Variants in INTS3 observed in about 807,000 individuals in gnomAD.
INTS3 encodes the protein SOSS complex subunit A.
A neutral mutation model predicts 146.3 loss-of-function variants in INTS3; 34 were observed. That is an observed-to-expected ratio of 0.23 (90% confidence interval 0.18 to 0.31). The LOEUF (loss-of-function observed/expected upper bound fraction) is 0.31. Ranked by LOEUF, INTS3 falls within the 10% of genes least tolerant of loss-of-function variation. The probability of loss-of-function intolerance (pLI) is 1.00; values close to 1 mark genes in which losing one functional copy is unlikely to be tolerated. For synonymous variants in INTS3, 475 were observed against 494.9 expected (o/e 0.96, Z 0.53); for missense variants, 757 against 1,304.2 (o/e 0.58, Z 6.46).
chr1:153,733,670 C>T lies in INTS3; in HGVS notation c.150+4886C>T, dbSNP rs369128495. On this transcript the variant is annotated intron_variant, in intron 1 of 29. Coordinates refer to ENST00000318967, the MANE Select transcript of INTS3 (RefSeq NM_023015.5). ...TCACCCAGGCTGGAGTGCAGTGGCG[C>T]GACAGCTCCCTGCAACCTTCGCCTC... Among the ~76,000 whole-genome samples, 121 of 150,972 alleles carry T rather than the reference C, an allele frequency of 8.0e-4. 1 individual carries two copies. The South Asian group carries it at 0.015, about 19-fold the overall frequency.
chr1:153,746,652 T>C (rs184894567), intron 3 of INTS3, among the ~76,000 whole-genome samples: 3,617 of 151,828 alleles, frequency 0.024, 56 homozygotes, highest in Middle Eastern at 0.094. Flanking sequence ...CCACCCGCCT[T>C]GGCCTCCCAA....
intron 10 of INTS3, among the ~76,000 whole-genome samples, chr1:153,758,401 C>CT (rs1672240929): frequency 1.3e-5 from 2 of 152,206 alleles, no homozygotes; most frequent in African/African-American, 2.4e-5. Context: ...CCAGAAAGGG[C>CT]AGCCAAGGGG....
chr1:153,772,333 T>C lies in INTS3; in HGVS notation c.2721-7T>C, dbSNP rs541548277. On this transcript the variant is annotated splice_region_variant and splice_polypyrimidine_tract_variant and intron_variant, in intron 26 of 29. Transcript: ENST00000318967. This position sits in a 1 kb window ranked among gnomAD's most constrained non-coding sequence, Gnocchi z 4.6. Reference sequence around the variant, plus strand: ...CTCAGACTCTGGCTCTGGTGATTCCTGCACAGCCTGAGGAGCTCTAGCAGC... The same window carrying C: ...CTCAGACTCTGGCTCTGGTGATTCCCGCACAGCCTGAGGAGCTCTAGCAGC... 2 of 1,613,270 alleles carry C rather than the reference T, an allele frequency of 1.2e-6. No homozygotes were observed. The highest frequency in any genetic ancestry group is 2.2e-5 in the South Asian group (2 of 91,038).
At position 153,754,542 on chromosome 1, in the gene INTS3, A is replaced by G. The variant is rs1313267954; in HGVS notation, c.860-100A>G. The G allele has an allele frequency of 4.8e-6, 4 of 826,716 alleles. No individual in the cohort carries two copies. The African/African-American group carries it at 6.7e-5, about 14-fold the overall frequency. The allele number at this position is 826,716 out of a possible 1,614,324, so 51.2% of individuals were successfully genotyped here. ...GTCTTGGAATTTCTCCGTGAGCAAGACTACTGGCCATCAGTACCTGGCCCA... is the reference window on the plus strand; with the variant it reads ...GTCTTGGAATTTCTCCGTGAGCAAGGCTACTGGCCATCAGTACCTGGCCCA... On this transcript the variant is annotated intron_variant, in intron 8 of 29. Coordinates refer to ENST00000318967, the MANE Select transcript of INTS3 (RefSeq NM_023015.5).
intron 3 of INTS3, among the ~76,000 whole-genome samples, chr1:153,742,879 TG>T (rs1671591475): frequency 1.3e-5 from 2 of 152,362 alleles, no homozygotes; most frequent in South Asian, 4.1e-4. Flanking sequence ...GTCTCATAGC[TG>T]GTTGACACCT....
Position 153,746,337 on chromosome 1 carries a change from A to G in INTS3, c.319-620A>G, listed in dbSNP as rs978648735. On this transcript the variant is annotated intron_variant, in intron 3 of 29. Transcript: ENST00000318967. ...GCATCAAACAGTATGACACTTCCTA[A>G]GATGGGAAGTGGGGGGGACAGGGAT... Among the ~76,000 whole-genome samples the G allele has an allele frequency of 8.5e-5, 13 of 152,286 alleles. No individual in the cohort carries two copies. In the East Asian group the frequency reaches 2.5e-3, roughly 29 times the overall value.
At chr1:153,745,036 G>C (rs1557993831) in intron 3 of INTS3, among the ~76,000 whole-genome samples, 1 of 151,538 alleles carries the variant, frequency 6.6e-6, no homozygotes, top group Non-Finnish European at 1.5e-5. Flanking sequence ...ATAATAAGTA[G>C]TACTATTTTA....
At chr1:153,759,663 C>T (rs759775789) in intron 11 of INTS3, 50 bp downstream of exon 11, 1 of 1,169,012 alleles carries the variant, frequency 8.6e-7, no homozygotes, top group Non-Finnish European at 1.3e-6. Context: ...CCTAAGCCCC[C>T]ACTGCCTTCC....
intron 1 of INTS3, among the ~76,000 whole-genome samples, chr1:153,737,250 A>C (rs1415410066): frequency 1.3e-5 from 2 of 152,190 alleles, no homozygotes; most frequent in Non-Finnish European, 2.9e-5. Flanking sequence ...TTTCTTAAAC[A>C]GTTTTTGGGT....
intron 25 of INTS3, among the ~76,000 whole-genome samples, chr1:153,771,461 T>A (rs151269302): frequency 2.6e-5 from 4 of 151,658 alleles, no homozygotes; most frequent in Non-Finnish European, 5.9e-5. Context: ...AGGGTAGGGG[T>A]AGGGGAGCAT....
intron 1 of INTS3, 58 bp downstream of exon 1, chr1:153,728,842 C>A: frequency 3.4e-6 from 1 of 298,030 alleles, no homozygotes. Flanking sequence ...GATACTGGAG[C>A]GGATACCGGG....
At position 153,744,038 on chromosome 1, in the gene INTS3, C is replaced by CGTGT. The variant is rs200825280; in HGVS notation, c.318+2711_318+2714dup. Among the ~76,000 whole-genome samples, 1,250 of 142,332 alleles carry CGTGT rather than the reference C, an allele frequency of 8.8e-3. 15 individuals are homozygous for CGTGT. The highest frequency in any genetic ancestry group is 0.02 in the African/African-American group (767 of 38,184). 93.4% of individuals were successfully genotyped at this position (142,332 alleles called of 152,430 possible). On this transcript the variant is annotated intron_variant, in intron 3 of 29. Coordinates refer to ENST00000318967, the MANE Select transcript of INTS3 (RefSeq NM_023015.5). ...TTTCCTCACTGAGGGTGTGCATGTG[C>CGTGT]GTGTGTGTGTGTGTGTGTGTGTGTG...
In INTS3 at chr1:153,772,792, G is replaced by A. The variant is rs1270257403; in HGVS notation, c.2894+81G>A. On this transcript the variant is annotated intron_variant, in intron 28 of 29. Transcript: ENST00000318967. The surrounding 1 kb of genome is among the most constrained non-coding windows in gnomAD (Gnocchi z 4.6). The stretch of plus-strand genomic sequence containing the variant: ...GAGGAAGCCTGCTAGGGACATAAAC[G>A]TAATGGCCAGCAAGACCTTAGGGTC... The A allele has an allele frequency of 6.3e-6, 10 of 1,579,356 alleles. No individual in the cohort carries two copies. Among genetic ancestry groups the A allele is most frequent in the African/African-American group, 2.7e-5 (2 of 73,508 alleles).
chr1:153,739,749 G>A (rs1285730819), intron 1 of INTS3, among the ~76,000 whole-genome samples: 4 of 152,024 alleles, frequency 2.6e-5, no homozygotes, highest in East Asian at 1.9e-4. Flanking sequence ...GATTACAGGC[G>A]TGAGCCACTG....
chr1:153,760,930 G>C lies in INTS3; in HGVS notation c.1409+12G>C, dbSNP rs753415360. 2 of 1,610,414 alleles carry C rather than the reference G, an allele frequency of 1.2e-6. No individual in the cohort carries two copies. Among genetic ancestry groups the C allele is most frequent in the East Asian group, 2.2e-5 (1 of 44,878 alleles). ...AAACGGGTCTTGGCGTAAGGAATTT[G>C]GTGGGGGAAGGAGGTTGTTTTCCCA... On this transcript the variant is annotated intron_variant, in intron 13 of 29. Coordinates refer to ENST00000318967, the MANE Select transcript of INTS3 (RefSeq NM_023015.5).
intron 1 of INTS3, among the ~76,000 whole-genome samples, chr1:153,740,333 C>T (rs1671479790): frequency 6.6e-6 from 1 of 152,146 alleles, no homozygotes; most frequent in Non-Finnish European, 1.5e-5. Context: ...CTCCTGACCT[C>T]AGGTGATCTG....
intron 19 of INTS3, 25 bp from the exon 20 acceptor site, chr1:153,764,919 C>G: frequency 6.2e-7 from 1 of 1,613,990 alleles, no homozygotes; most frequent in East Asian, 2.2e-5. Context: ...AGTTCTGTTC[C>G]TCTCCTCCCA....
intron 1 of INTS3, among the ~76,000 whole-genome samples, chr1:153,738,236 C>T (rs1204484433): frequency 1.3e-5 from 2 of 151,956 alleles, no homozygotes; most frequent in African/African-American, 2.4e-5. Context: ...GTAACTGGGA[C>T]CACAGGCATG....
intron 8 of INTS3, chr1:153,753,801 A>C (rs1259145432): frequency 1.3e-5 from 2 of 151,898 alleles, no homozygotes; most frequent in African/African-American, 4.8e-5. Context: ...GATTACAGGC[A>C]CCTGCCATCA....
Sources: gnomAD v4.1 joint callset for allele counts (sites outside exome capture counted in the v4.1 genomes callset) on GRCh38, gnomAD v4.1.1 for gene constraint, Gnocchi (gnomAD v3.1) non-coding constraint, MANE v1.5 for transcripts, NCBI Gene and HGNC (gene_info 2026-07-23, HGNC 2026-07-21) for gene names.